Variants in CEP128 observed in about 807,000 individuals in gnomAD.
CEP128 encodes the protein centrosomal protein 128kDa.
In CEP128, 132 loss-of-function variants were observed where a neutral mutation model predicts 156.7. That is an observed-to-expected ratio of 0.84 (90% CI 0.73 to 0.97). The LOEUF (loss-of-function observed/expected upper bound fraction) is 0.97, where lower values mean the gene tolerates loss of function less well. Among genes scored for constraint, CEP128 ranks in the 50% least tolerant of loss-of-function variants. The pLI is 0.00. For missense variants in CEP128, 1,252 were observed against 1,281.9 expected, an observed-to-expected ratio of 0.98 and a Z score of 0.36; for synonymous variants, 469 against 448.9, an observed-to-expected ratio of 1.04 and a Z score of -0.57.
chr14:80,605,695 G>A (rs530329698), intron 19 of CEP128, among the ~76,000 whole-genome samples: 14 of 151,910 alleles, frequency 9.2e-5, no homozygotes, highest in Admixed American at 3.3e-4. Flanking sequence ...TCAGTGTCAA[G>A]GCAAAAAAAG....
chr14:80,844,970 T>C (rs962230599), intron 9 of CEP128, among the ~76,000 whole-genome samples: 13 of 152,006 alleles, frequency 8.6e-5, no homozygotes, highest in African/African-American at 1.7e-4. Flanking sequence ...AGGTCATGAG[T>C]TTAATCACCA....
chr14:80,501,565 C>T (rs948260589), intron 24 of CEP128, among the ~76,000 whole-genome samples: 5 of 151,534 alleles, frequency 3.3e-5, no homozygotes, highest in African/African-American at 7.3e-5. Flanking sequence ...AGTGCAGTGG[C>T]GTGATCTTGG....
At chr14:80,728,043 C>T (rs1898084621) in intron 19 of CEP128, among the ~76,000 whole-genome samples, 1 of 152,134 alleles carries the variant, frequency 6.6e-6, no homozygotes, top group Non-Finnish European at 1.5e-5. Flanking sequence ...CCAAAAGACA[C>T]ATGCATACGT....
intron 17 of CEP128, among the ~76,000 whole-genome samples, chr14:80,759,907 GGTGTGTGTGT>G (rs3037144): frequency 0.33 from 50,210 of 150,270 alleles, 9,432 homozygotes; most frequent in Non-Finnish European, 0.42. Context: ...CATATATATA[GGTGTGTGTGT>G]GTGTGTGTGT....
chr14:80,715,477 A>T (rs1040199769), intron 19 of CEP128, among the ~76,000 whole-genome samples: 1 of 152,184 alleles, frequency 6.6e-6, no homozygotes, highest in African/African-American at 2.4e-5. Context: ...TTTTTAAGAT[A>T]ATTTCAAACA....
intron 19 of CEP128, among the ~76,000 whole-genome samples, chr14:80,594,345 A>G (rs975545221): frequency 5.3e-5 from 8 of 152,188 alleles, no homozygotes; most frequent in African/African-American, 9.6e-5. Context: ...AGACTTAAAC[A>G]TAAGACCTAA....
chr14:80,801,790 C>T (rs1883872244), intron 13 of CEP128, among the ~76,000 whole-genome samples: 1 of 151,324 alleles, frequency 6.6e-6, no homozygotes. Flanking sequence ...TGCCTGTAGT[C>T]CCAGCTACTT....
chr14:80,922,791 C>T (rs1025252), intron 2 of CEP128, among the ~76,000 whole-genome samples: 1 of 152,008 alleles, frequency 6.6e-6, no homozygotes, highest in Non-Finnish European at 1.5e-5. Context: ...TGACACATTG[C>T]TGAAAGAAAA....
chr14:80,530,842 T>C lies in CEP128; in HGVS notation c.2925A>G (p.Lys975=). 1 of 1,608,966 alleles carries C rather than the reference T, an allele frequency of 6.2e-7. No individual in the cohort carries two copies. Among genetic ancestry groups the C allele is most frequent in the Non-Finnish European group, 8.5e-7 (1 of 1,177,244 alleles). Residue 975 remains lysine, a synonymous_variant, in exon 22 of 25, where the codon AAA becomes AAG. Coordinates refer to ENST00000555265, the MANE Select transcript of CEP128 (RefSeq NM_152446.5). ...CTTTGAAATCTTCTAGTAGGCTCAG[T>C]TTCTCAGGCACAGACTCCAGATGGT... The part of the protein sequence containing the change: ...ALDHLESVPE[K]LSLLEDFKDF...
At chr14:80,492,463 G>C (rs954648079), downstream of CEP128, among the ~76,000 whole-genome samples, 1 of 152,148 alleles carries the variant, frequency 6.6e-6, no homozygotes, top group African/African-American at 2.4e-5. Flanking sequence ...TAGCCCACAG[G>C]CTGGCCCTAA....
intron 19 of CEP128, among the ~76,000 whole-genome samples, chr14:80,653,550 T>C (rs1440950381): frequency 6.6e-6 from 1 of 152,128 alleles, no homozygotes; most frequent in Admixed American, 6.6e-5. Context: ...GAAGATGCCA[T>C]CTAGGACTTT....
chr14:80,858,049 A>C (rs544026600), intron 9 of CEP128, among the ~76,000 whole-genome samples: 1 of 152,276 alleles, frequency 6.6e-6, no homozygotes, highest in African/African-American at 2.4e-5. Context: ...AAACTACTTT[A>C]AAGTTCATAT....
intron 19 of CEP128, among the ~76,000 whole-genome samples, chr14:80,594,682 A>T (rs1341355531): frequency 6.6e-6 from 1 of 152,250 alleles, no homozygotes; most frequent in Non-Finnish European, 1.5e-5. Flanking sequence ...GACACTTCTC[A>T]AAGGAAGACA....
intron 14 of CEP128, among the ~76,000 whole-genome samples, chr14:80,786,106 C>T (rs1901394064): frequency 6.6e-6 from 1 of 151,980 alleles, no homozygotes; most frequent in African/African-American, 2.4e-5. Context: ...TGGAAGCCCA[C>T]AAAGAAATGA....
downstream of CEP128, among the ~76,000 whole-genome samples, chr14:80,496,174 T>C (rs572637911): frequency 2.2e-4 from 33 of 152,302 alleles, no homozygotes; most frequent in African/African-American, 7.7e-4. Flanking sequence ...TTTTTGTATC[T>C]CATTTTTTCC....
chr14:80,579,774 T>C (rs1205224063), intron 20 of CEP128, among the ~76,000 whole-genome samples: 3 of 152,228 alleles, frequency 2.0e-5, no homozygotes, highest in African/African-American at 7.2e-5. Context: ...GAGTTACCCA[T>C]TTGTAAGTTA....
At chr14:80,859,708 T>G (rs1030839183) in intron 9 of CEP128, among the ~76,000 whole-genome samples, 3 of 152,094 alleles carry the variant, frequency 2.0e-5, no homozygotes, top group African/African-American at 7.2e-5. Context: ...GAGTGAACAA[T>G]TCTTTAAAAC....
intron 13 of CEP128, among the ~76,000 whole-genome samples, chr14:80,822,318 G>C (rs1453690134): frequency 2.6e-5 from 4 of 152,200 alleles, no homozygotes; most frequent in Non-Finnish European, 5.9e-5. Context: ...TACAGGCATT[G>C]AGTAAATACA....
chr14:80,634,699 C>G (rs890618258), intron 19 of CEP128, among the ~76,000 whole-genome samples: 1 of 152,122 alleles, frequency 6.6e-6, no homozygotes, highest in Non-Finnish European at 1.5e-5. Context: ...GTTTTGCCCC[C>G]ACTTTTCCCT....
Sources: gnomAD v4.1 joint callset for allele counts (sites outside exome capture counted in the v4.1 genomes callset) on GRCh38, gnomAD v4.1.1 for gene constraint, MANE v1.5 for transcripts, NCBI Gene and HGNC (gene_info 2026-07-23, HGNC 2026-07-21) for gene names.